The following ATP2C1 variants were observed in gnomAD, a reference collection of about 807,000 sequenced individuals.
ATP2C1 encodes ATPase secretory pathway Ca2+ transporting 1, also known as calcium-transporting ATPase type 2C member 1.
A neutral mutation model predicts 120.5 loss-of-function variants in ATP2C1; 31 were observed. That is an observed-to-expected ratio of 0.26 (90% CI 0.19 to 0.35). The LOEUF (loss-of-function observed/expected upper bound fraction) is 0.35, where lower values mean the gene tolerates loss of function less well. ATP2C1 is among the 10% of genes least tolerant of loss of function. The probability of loss-of-function intolerance (pLI) is 1.00; values close to 1 mark genes in which losing one functional copy is unlikely to be tolerated. For missense variants in ATP2C1, 731 were observed against 1,107.5 expected, an observed-to-expected ratio of 0.66 and a Z score of 4.83; for synonymous variants, 351 against 358.7, an observed-to-expected ratio of 0.98 and a Z score of 0.24.
At chr3:130,855,415 G>C (rs1362600033) in intron 1 of ATP2C1, among the ~76,000 whole-genome samples, 1 of 152,140 alleles carries the variant, frequency 6.6e-6, no homozygotes, top group Non-Finnish European at 1.5e-5. Flanking sequence ...GAGGGTTCAC[G>C]GGGCTGAGGT....
intron 2 of ATP2C1, among the ~76,000 whole-genome samples, chr3:130,924,015 A>T (rs1256712011): frequency 6.6e-6 from 1 of 151,612 alleles, no homozygotes; most frequent in Admixed American, 6.6e-5. Context: ...GTGGATTTTT[A>T]TCCATTCTTC....
chr3:130,984,560 C>A (rs555778038), intron 20 of ATP2C1, among the ~76,000 whole-genome samples: 1 of 152,078 alleles, frequency 6.6e-6, no homozygotes, highest in Non-Finnish European at 1.5e-5. Context: ...CACTATTTTG[C>A]TTATCCATAT....
chr3:130,909,061 A>C (rs981109342), intron 2 of ATP2C1, among the ~76,000 whole-genome samples: 1 of 152,192 alleles, frequency 6.6e-6, no homozygotes, highest in African/African-American at 2.4e-5. Flanking sequence ...AGAGCATTGA[A>C]GCCTGATTAT....
intron 1 of ATP2C1, among the ~76,000 whole-genome samples, chr3:130,852,348 T>C (rs1305956523): frequency 1.3e-5 from 2 of 152,192 alleles, no homozygotes; most frequent in African/African-American, 2.4e-5. Context: ...ATTTTTTTTT[T>C]CTCAGTATTG....
chr3:130,875,522 A>C (rs999735549), intron 1 of ATP2C1, among the ~76,000 whole-genome samples: 2 of 152,214 alleles, frequency 1.3e-5, no homozygotes, highest in African/African-American at 4.8e-5. Flanking sequence ...CTATCCAGTC[A>C]TCTGTTGATG....
chr3:130,899,654 C>A (rs1411126646), intron 2 of ATP2C1: 1 of 151,898 alleles, frequency 6.6e-6, no homozygotes, highest in Non-Finnish European at 1.5e-5. Flanking sequence ...AAGTATAAAT[C>A]GTAGAATTAC....
At chr3:131,004,687 G>A (rs776233292), downstream of ATP2C1, among the ~76,000 whole-genome samples, 150 of 152,310 alleles carry the variant, frequency 9.8e-4, no homozygotes, top group Middle Eastern at 3.4e-3. Context: ...AAATTTCCTA[G>A]AACTAATGAC....
chr3:130,984,407 T>C (rs1175003872), intron 20 of ATP2C1, among the ~76,000 whole-genome samples: 1 of 152,202 alleles, frequency 6.6e-6, no homozygotes, highest in Non-Finnish European at 1.5e-5. Flanking sequence ...CATATATTGC[T>C]GAATTGTCCT....
chr3:131,009,698 T>G (rs2063245908), intron 26 of ATP2C1, among the ~76,000 whole-genome samples: 1 of 152,230 alleles, frequency 6.6e-6, no homozygotes, highest in South Asian at 2.1e-4. Context: ...TGGAAAGAAA[T>G]GCAGAAGCAG....
chr3:131,009,753 AATGT>A (rs1205925991), intron 26 of ATP2C1, among the ~76,000 whole-genome samples: 1 of 152,166 alleles, frequency 6.6e-6, no homozygotes, highest in East Asian at 1.9e-4. Flanking sequence ...AGTGGGGTGT[AATGT>A]TTTTAATACA....
At chr3:131,000,354 G>A (rs939730767) in intron 27 of ATP2C1, among the ~76,000 whole-genome samples, 2 of 152,058 alleles carry the variant, frequency 1.3e-5, no homozygotes, top group African/African-American at 2.4e-5. Context: ...TTGAATTTCA[G>A]TATTTTAATT....
At chr3:130,894,030 G>A (rs1417247576), upstream of ATP2C1, 4 of 986,376 alleles carry the variant, frequency 4.1e-6, no homozygotes, top group Non-Finnish European at 4.8e-6. This position sits in a 1 kb window ranked among gnomAD's most constrained non-coding sequence, Gnocchi z 4.5. Context: ...TGCGGGGCGC[G>A]ACTGGGCGGC....
Position 130,917,724 on chromosome 3 carries a change from T to C in ATP2C1, c.7-12692T>C, listed in dbSNP as rs573315802. The stretch of plus-strand genomic sequence containing the variant: ...AGTATACATTATTGTTGGCTATAGG[T>C]ACAATGTTGTACAGCAGCTCTCTAG... On this transcript the variant is annotated intron_variant, in intron 2 of 27. Coordinates refer to ENST00000510168, the MANE Select transcript of ATP2C1 (RefSeq NM_001378687.1). Among the ~76,000 whole-genome samples the C allele has an allele frequency of 1.1e-4, 17 of 152,338 alleles. 1 individual carries two copies. In the South Asian group the frequency reaches 3.5e-3, roughly 32 times the overall value.
At position 131,001,599 on chromosome 3, in the gene ATP2C1, C is replaced by CATAA. The variant is rs1484077249; in HGVS notation, c.*250_*251insTAAA. ...AGTGAAACTTTATAAAGCATATGGT[C>CATAA]AGTTATTTAATTAAAAAGGCAAAAC... On this transcript the variant is annotated 3_prime_UTR_variant, in exon 28 of 28. Transcript: ENST00000510168. The CATAA allele has an allele frequency of 3.0e-4, 350 of 1,157,552 alleles. No homozygotes were observed. The African/African-American group carries it at 5.5e-3, about 18-fold the overall frequency. 71.7% of individuals were successfully genotyped at this position (1,157,552 alleles called of 1,614,324 possible).
intron 17 of ATP2C1, among the ~76,000 whole-genome samples, chr3:130,972,935 A>C (rs1020622480): frequency 6.6e-6 from 1 of 152,156 alleles, no homozygotes; most frequent in Non-Finnish European, 1.5e-5. Context: ...AGAGAAAGGT[A>C]GTGGCAGATG....
At chr3:130,886,852 T>C (rs1400454802) in intron 1 of ATP2C1, among the ~76,000 whole-genome samples, 1 of 152,234 alleles carries the variant, frequency 6.6e-6, no homozygotes, top group Admixed American at 6.5e-5. Flanking sequence ...TGGTGTCTTA[T>C]TTAGTTCATT....
In ATP2C1 at chr3:130,956,166, C is replaced by A; in HGVS notation, c.819C>A (p.Ser273=). 1 of 1,603,432 alleles carries A rather than the reference C, an allele frequency of 6.2e-7. No homozygotes were observed. The highest frequency in any genetic ancestry group is 1.1e-5 in the South Asian group (1 of 90,836). Residue 273 remains serine (S), a synonymous_variant, in exon 11 of 28, where the codon TCC becomes TCA. Transcript: ENST00000510168. The part of the protein sequence containing the change: ...DLLGKQLSFY[S]FGIIGIIMLV... Reference sequence around the variant, plus strand: ...TAGGAAAACAACTTTCCTTTTACTCCTTTGGTATAATAGGTAAGAGAAGAG... The same window carrying A: ...TAGGAAAACAACTTTCCTTTTACTCATTTGGTATAATAGGTAAGAGAAGAG...
intron 2 of ATP2C1, among the ~76,000 whole-genome samples, chr3:130,911,180 C>T (rs199860264): frequency 8.5e-6 from 1 of 118,186 alleles, no homozygotes; most frequent in Non-Finnish European, 1.8e-5. Context: ...GTCTTGGGAG[C>T]GTGTATGTGT....
intron 19 of ATP2C1, among the ~76,000 whole-genome samples, chr3:130,980,276 G>C (rs1347495916): frequency 6.7e-6 from 1 of 149,842 alleles, no homozygotes; most frequent in Non-Finnish European, 1.5e-5. Flanking sequence ...TGTAGAGACA[G>C]GGTCTTGCTA....
Sources: allele counts gnomAD v4.1 joint callset (sites outside exome capture counted in the v4.1 genomes callset), GRCh38; gene constraint gnomAD v4.1.1; non-coding constraint Gnocchi (gnomAD v3.1); transcripts MANE v1.5; gene names NCBI Gene and HGNC (gene_info 2026-07-23, HGNC 2026-07-21).